Variants in OSBPL10 observed in about 807,000 individuals in gnomAD.
OSBPL10 encodes oxysterol-binding protein-related protein 10.
Under a neutral mutation model 81.7 loss-of-function variants are expected in OSBPL10, and 49 were observed. The ratio of observed to expected loss-of-function variants is 0.60; its 90% confidence interval spans 0.48 to 0.76. The LOEUF is 0.76. OSBPL10 is among the 30% of genes least tolerant of loss of function. The probability of loss-of-function intolerance (pLI) is 0.00; values close to 1 mark genes in which losing one functional copy is unlikely to be tolerated. For synonymous variants in OSBPL10, 419 were observed against 383.6 expected, an observed-to-expected ratio of 1.09 and a Z score of -1.08; for missense variants, 923 against 987.8, an observed-to-expected ratio of 0.93 and a Z score of 0.88.
intron 2 of OSBPL10, among the ~76,000 whole-genome samples, chr3:32,029,527 A>G (rs908491337): frequency 6.6e-6 from 1 of 152,160 alleles, no homozygotes; most frequent in African/African-American, 2.4e-5. Context: ...GCAGACCTGT[A>G]CAGATACGGA....
intron 7 of OSBPL10, 34 bp from the exon 8 acceptor site, chr3:31,684,148 C>T: frequency 6.2e-7 from 1 of 1,603,634 alleles, no homozygotes; most frequent in Non-Finnish European, 8.5e-7. Flanking sequence ...CAGACAATCC[C>T]TGGGATTACA....
chr3:32,030,701 A>G, intron 2 of OSBPL10: 1 of 771,420 alleles, frequency 1.3e-6, no homozygotes, highest in Non-Finnish European at 2.3e-6. Flanking sequence ...AAAATAAAAG[A>G]CCTCTGGACT....
chr3:31,851,905 AG>A lies in OSBPL10; in HGVS notation c.538-21675del, dbSNP rs556294156. 7.9e-5 allele frequency among the ~76,000 whole-genome samples: 12 copies of A among 152,300 alleles called. No individual in the cohort carries two copies. In the South Asian group the frequency reaches 2.5e-3, roughly 32 times the overall value. ...TCCCTTTCTGGGGGAGATGCCCAGGAGTCTCAAAGACATGATGGATAGGCTG... is the reference window on the plus strand; with the variant it reads ...TCCCTTTCTGGGGGAGATGCCCAGGATCTCAAAGACATGATGGATAGGCTG... On this transcript the variant is annotated intron_variant, in intron 3 of 11. Coordinates refer to ENST00000396556, the MANE Select transcript of OSBPL10 (RefSeq NM_017784.5).
chr3:32,049,498 C>T (rs1699652726), intron 1 of OSBPL10, among the ~76,000 whole-genome samples: 1 of 151,982 alleles, frequency 6.6e-6, no homozygotes, highest in Admixed American at 6.6e-5. Flanking sequence ...GTTAAAGGCT[C>T]CTCTTAATAA....
chr3:31,757,332 C>T (rs1303296571), intron 4 of OSBPL10, among the ~76,000 whole-genome samples: 1 of 152,074 alleles, frequency 6.6e-6, no homozygotes. Context: ...GGAATAGTGG[C>T]TCATACCTGT....
chr3:31,664,524 A>G, intron 10 of OSBPL10: 1 of 528,034 alleles, frequency 1.9e-6, no homozygotes, highest in African/African-American at 1.9e-5. Flanking sequence ...TGCTACTACT[A>G]CAAACAACGG....
intron 8 of OSBPL10, among the ~76,000 whole-genome samples, chr3:31,679,389 G>A (rs1700578534): frequency 6.6e-6 from 1 of 152,182 alleles, no homozygotes; most frequent in Non-Finnish European, 1.5e-5. Flanking sequence ...CCCGGGGGCA[G>A]GGAATCTGTG....
chr3:31,898,772 ATAAAT>A (rs1696138617), intron 1 of OSBPL10, among the ~76,000 whole-genome samples: 1 of 152,032 alleles, frequency 6.6e-6, no homozygotes, highest in African/African-American at 2.4e-5. Flanking sequence ...GAAATGATGA[ATAAAT>A]AAAATGGTAA....
chr3:32,026,056 A>ATAGATAGATGATAGATAGATAGATGAT (rs1553649783), intron 2 of OSBPL10, among the ~76,000 whole-genome samples: 80 of 104,358 alleles, frequency 7.7e-4, no homozygotes, highest in East Asian at 2.0e-3. Context: ...AGATAGATAG[A>ATAGATAGATGATAGATAGATAGATGAT]TGATAGATAG....
intron 4 of OSBPL10, among the ~76,000 whole-genome samples, chr3:31,801,946 C>T (rs910161998): frequency 6.6e-6 from 1 of 151,990 alleles, no homozygotes; most frequent in African/African-American, 2.4e-5. Flanking sequence ...GCCTCAGCCT[C>T]CTGAGTAGCT....
In OSBPL10 at chr3:31,748,006, A is replaced by T. The variant is rs1469664516; in HGVS notation, c.844T>A (p.Ser282Thr). The T allele has an allele frequency of 6.2e-7, 1 of 1,614,176 alleles. No individual in the cohort carries two copies. Among genetic ancestry groups the T allele is most frequent in the East Asian group, 2.2e-5 (1 of 44,878 alleles). Reference protein sequence around the residue: ...DQDLLLLKATSAATLSCLGEC... With the variant: ...DQDLLLLKATTAATLSCLGEC... ...CCAAGGCAGCTGAGGGTGGCAGCAG[A>T]GGTAGCTTTCAGGAGCAGCAGGTCC... The change falls in exon 5 of 12, where the codon TCT becomes ACT. Residue 282 changes from serine to threonine, a missense_variant. By Grantham distance (58) the Ser-to-Thr change is moderately conservative (BLOSUM62 1). This residue lies in a region of OSBPL10 where 514 missense variants were observed against 508.0 expected (regional missense o/e 1.01). Coordinates refer to ENST00000396556, the MANE Select transcript of OSBPL10 (RefSeq NM_017784.5).
chr3:31,752,800 C>T (rs1281906190), intron 4 of OSBPL10, among the ~76,000 whole-genome samples: 1 of 152,214 alleles, frequency 6.6e-6, no homozygotes, highest in African/African-American at 2.4e-5. Flanking sequence ...TCAGAGGCAC[C>T]TGCAAAGTCC....
intron 4 of OSBPL10, among the ~76,000 whole-genome samples, chr3:31,775,831 C>G (rs1698533421): frequency 1.3e-5 from 2 of 152,086 alleles, no homozygotes. Context: ...AGAATGCTGC[C>G]ACCATGTAAG....
intron 4 of OSBPL10, among the ~76,000 whole-genome samples, chr3:31,814,327 C>CA (rs1385014137): frequency 2.6e-5 from 4 of 152,172 alleles, no homozygotes; most frequent in African/African-American, 7.2e-5. Context: ...AAACGAATGT[C>CA]AAAGAAGTCT....
chr3:31,678,082 C>T (rs1700529116), intron 8 of OSBPL10, among the ~76,000 whole-genome samples: 3 of 85,712 alleles, frequency 3.5e-5, no homozygotes, highest in South Asian at 3.5e-4. Context: ...AGCGAGACTC[C>T]GTCTCAAAAA....
At chr3:31,795,787 A>T (rs1405049635) in intron 4 of OSBPL10, 1 of 242,070 alleles carries the variant, frequency 4.1e-6, no homozygotes, top group East Asian at 1.1e-4. Flanking sequence ...GGAATGTGGG[A>T]AATTATTTTA....
chr3:32,068,888 C>T (rs1010216911), intron 1 of OSBPL10, among the ~76,000 whole-genome samples: 1 of 152,082 alleles, frequency 6.6e-6, no homozygotes, highest in Non-Finnish European at 1.5e-5. Context: ...CCTCCCCAGA[C>T]TGCTCCTCCT....
At position 31,981,163 on chromosome 3, in the gene OSBPL10, T is replaced by G; in HGVS notation, c.17A>C (p.Gln6Pro). 2 of 1,477,008 alleles carry G rather than the reference T, an allele frequency of 1.4e-6. No homozygotes were observed. The highest frequency in any genetic ancestry group is 1.8e-6 in the Non-Finnish European group (2 of 1,118,468). The allele number at this position is 1,477,008 out of a possible 1,614,324, so 91.5% of individuals were successfully genotyped here. Residue 6 changes from glutamine (Q) to proline (P), a missense_variant, in exon 1 of 12, where the codon CAG becomes CCG. This residue lies in a region of OSBPL10 where 514 missense variants were observed against 508.0 expected (regional missense o/e 1.01). Coordinates refer to ENST00000396556, the MANE Select transcript of OSBPL10 (RefSeq NM_017784.5). This position sits in a 1 kb window ranked among gnomAD's most constrained non-coding sequence, Gnocchi z 4.5. ...GCTACCCCCGCCGCCGTCTGTGCCC[T>G]GGACTGCCCTCTCCATGGTCCGTGG... Reference protein sequence around the residue: MERAVQGTDGGGGSNS... With the variant: MERAVPGTDGGGGSNS...
intron 1 of OSBPL10, among the ~76,000 whole-genome samples, chr3:31,975,531 C>T (rs1248667945): frequency 6.6e-6 from 1 of 152,188 alleles, no homozygotes; most frequent in Non-Finnish European, 1.5e-5. Flanking sequence ...CAGATAGAGT[C>T]AAAAGCAAGC....
Sources: allele counts gnomAD v4.1 joint callset (sites outside exome capture counted in the v4.1 genomes callset), GRCh38; gene constraint gnomAD v4.1.1; regional missense constraint gnomAD v4.1.1; non-coding constraint Gnocchi (gnomAD v3.1); transcripts MANE v1.5; gene names NCBI Gene and HGNC (gene_info 2026-07-23, HGNC 2026-07-21).